MYO18B: variants seen among roughly 807,000 people sequenced by gnomAD.
MYO18B encodes the protein unconventional myosin-XVIIIb.
Under a neutral mutation model 273.0 loss-of-function variants are expected in MYO18B, and 204 were observed. The ratio of observed to expected loss-of-function variants is 0.75; its 90% CI spans 0.67 to 0.84. The LOEUF (loss-of-function observed/expected upper bound fraction) is 0.84, where lower values mean the gene tolerates loss of function less well. Ranked by LOEUF, MYO18B falls within the 40% of genes least tolerant of loss-of-function variation. The pLI, the probability that MYO18B is intolerant of heterozygous loss-of-function variation, is 0.00. For synonymous variants in MYO18B, 1,330 were observed against 1,305.7 expected (o/e 1.02, Z -0.40); for missense variants, 3,212 against 3,287.6 (o/e 0.98, Z 0.56).
downstream of MYO18B, among the ~76,000 whole-genome samples, chr22:26,032,848 A>G (rs1303156327): frequency 6.6e-6 from 1 of 152,058 alleles, no homozygotes; most frequent in Non-Finnish European, 1.5e-5. Flanking sequence ...ATTGTAAGGT[A>G]TGGGGGGTTA....
At chr22:25,864,808 A>C (rs2859415) in intron 21 of MYO18B, among the ~76,000 whole-genome samples, 118,969 of 152,130 alleles carry the variant, frequency 0.78, 47,270 homozygotes, top group East Asian at 1. Context: ...TTTCTTGGAG[A>C]AAAATGGCCA....
chr22:26,043,281 A>G, the MYO18B span, among the ~76,000 whole-genome samples: 1 of 152,114 alleles, frequency 6.6e-6, no homozygotes, highest in African/African-American at 2.4e-5. Context: ...CAAATATACC[A>G]CAGTCATCTT....
rs780465835 is a variant in MYO18B at position 25,828,900 on chromosome 22, G to A, written c.2911G>A (p.Ala971Thr). ...ATFEELCHNYAHERLQLLFYQ... is the reference protein window; with the variant it reads ...ATFEELCHNYTHERLQLLFYQ... ...CTTTGAGGAGCTGTGCCACAACTAC[G>A]CCCATGAGCGCCTGCAGCTGCTGTT... Residue 971 changes from alanine to threonine, a missense_variant, in exon 15 of 44, where the codon GCC becomes ACC. Ala to Thr is a moderately conservative substitution (Grantham distance 58). Coordinates refer to ENST00000335473, the MANE Select transcript of MYO18B (RefSeq NM_032608.7). The A allele has an allele frequency of 3.7e-6, 6 of 1,613,842 alleles. No homozygotes were observed. The highest frequency in any genetic ancestry group is 1.7e-5 in the Admixed American group (1 of 60,010).
intron 42 of MYO18B, among the ~76,000 whole-genome samples, chr22:26,017,358 T>TCCTCCCTTCCTTCCTC (rs1935442026): frequency 6.6e-6 from 1 of 151,456 alleles, no homozygotes; most frequent in African/African-American, 2.4e-5. Flanking sequence ...CTTCCTTCCT[T>TCCTCCCTTCCTTCCTC]CCTCCCTTCC....
chr22:25,909,922 G>A (rs1223278989), intron 32 of MYO18B, among the ~76,000 whole-genome samples: 9 of 152,208 alleles, frequency 5.9e-5, no homozygotes, highest in Non-Finnish European at 7.4e-5. Context: ...TATGCACTTC[G>A]GATTTTCCCT....
intron 12 of MYO18B, among the ~76,000 whole-genome samples, chr22:25,808,361 CAGGT>C (rs2088580260): frequency 1.3e-5 from 2 of 152,186 alleles, no homozygotes; most frequent in South Asian, 2.1e-4. Context: ...GCAACCCTGA[CAGGT>C]AGGGAAGGAG....
At chr22:25,954,826 C>T (rs1374317257) in intron 38 of MYO18B, among the ~76,000 whole-genome samples, 1 of 152,162 alleles carries the variant, frequency 6.6e-6, no homozygotes, top group African/African-American at 2.4e-5. Context: ...ATTCTCATGC[C>T]TCAGCCTCCC....
At chr22:25,932,279 A>AT (rs1198030865) in intron 34 of MYO18B, among the ~76,000 whole-genome samples, 1 of 152,216 alleles carries the variant, frequency 6.6e-6, no homozygotes, top group Non-Finnish European at 1.5e-5. Flanking sequence ...AAAGCAAGTT[A>AT]AAGACATGGT....
chr22:26,044,092 G>A, the MYO18B span, among the ~76,000 whole-genome samples: 77 of 152,182 alleles, frequency 5.1e-4, no homozygotes, highest in Non-Finnish European at 9.3e-4. Context: ...AACTAATGAG[G>A]TTGAACCCAT....
At chr22:25,991,891 TG>T (rs1312290539) in intron 39 of MYO18B, among the ~76,000 whole-genome samples, 1 of 144,454 alleles carries the variant, frequency 6.9e-6, no homozygotes, top group Non-Finnish European at 1.5e-5. Flanking sequence ...GACAGCAAGG[TG>T]GGGGTGTTTA....
chr22:26,048,299 A>G, the MYO18B span, among the ~76,000 whole-genome samples: 1 of 152,248 alleles, frequency 6.6e-6, no homozygotes, highest in Non-Finnish European at 1.5e-5. Context: ...CTTGGCAGAT[A>G]TACTGAAGAG....
intron 37 of MYO18B, among the ~76,000 whole-genome samples, chr22:25,951,508 C>T (rs912398995): frequency 6.6e-6 from 1 of 152,192 alleles, no homozygotes; most frequent in Non-Finnish European, 1.5e-5. Flanking sequence ...GAATTTTCTC[C>T]GTCTGAGAAA....
rs559192559 is a variant in MYO18B at position 25,964,552 on chromosome 22, C to G, written c.6156+9188C>G. ...CCTTGGCATTATTGACATCTAGGAT[C>G]AGATCATTCTATGTTGTGAAGACTG... On this transcript the variant is annotated intron_variant, in intron 39 of 43. Coordinates refer to ENST00000335473, the MANE Select transcript of MYO18B (RefSeq NM_032608.7). Among the ~76,000 whole-genome samples, 5 of 152,266 alleles carry G rather than the reference C, an allele frequency of 3.3e-5. No homozygotes were observed. The East Asian group carries it at 9.7e-4, about 29-fold the overall frequency.
intron 39 of MYO18B, among the ~76,000 whole-genome samples, chr22:25,990,098 T>C (rs1039873882): frequency 2.0e-5 from 3 of 152,358 alleles, no homozygotes; most frequent in African/African-American, 7.2e-5. Context: ...CAGCTTGACC[T>C]GGCCCTTAGG....
rs114966817 is a variant in MYO18B at position 25,780,187 on chromosome 22, G to T, written c.2200G>T (p.Ala734Ser). ...CAACGCTACAGGCCGCATCACAGCT[G>T]CTCAGCTCCAGGTGAGGCCTCTCGG... ...DFNATGRITAAQLQTMLLEKS... is the reference protein window; with the variant it reads ...DFNATGRITASQLQTMLLEKS... The change falls in exon 9 of 44, where the codon GCT becomes TCT. Residue 734 changes from alanine to serine, a missense_variant. Physicochemically the swap from Ala to Ser is moderately conservative, Grantham distance 99. Transcript: ENST00000335473. The T allele has an allele frequency of 3.7e-5, 59 of 1,604,898 alleles. No individual in the cohort carries two copies. The African/African-American group carries it at 7.6e-4, about 21-fold the overall frequency.
chr22:25,994,973 C>T (rs562781366), intron 40 of MYO18B, among the ~76,000 whole-genome samples: 5 of 151,252 alleles, frequency 3.3e-5, no homozygotes, highest in South Asian at 2.1e-4. Context: ...TGGAAGGAGG[C>T]GGAGGGTCCA....
chr22:25,894,427 C>A (rs2091746257), intron 27 of MYO18B, among the ~76,000 whole-genome samples: 1 of 152,144 alleles, frequency 6.6e-6, no homozygotes, highest in South Asian at 2.1e-4. Flanking sequence ...GGGCATTATT[C>A]TATTATTCAG....
At chr22:26,011,828 T>G (rs1349286554) in intron 42 of MYO18B, among the ~76,000 whole-genome samples, 1 of 152,240 alleles carries the variant, frequency 6.6e-6, no homozygotes, top group African/African-American at 2.4e-5. Flanking sequence ...ATAATCATCG[T>G]GATTTTAATT....
At chr22:25,901,015 C>G (rs1198059626) in intron 29 of MYO18B, 2 of 152,154 alleles carry the variant, frequency 1.3e-5, no homozygotes, top group African/African-American at 4.8e-5. Flanking sequence ...GACATGGATC[C>G]CAGCCCAGGA....
Sources: gnomAD v4.1 joint callset for allele counts (sites outside exome capture counted in the v4.1 genomes callset) on GRCh38, gnomAD v4.1.1 for gene constraint, MANE v1.5 for transcripts, NCBI Gene and HGNC (gene_info 2026-07-23, HGNC 2026-07-21) for gene names.